CDCP1: variants seen among roughly 807,000 people sequenced by gnomAD.
CDCP1 encodes the protein CUB domain-containing protein 1.
Under a neutral mutation model 60.2 loss-of-function variants are expected in CDCP1, and 29 were observed. The observed-to-expected ratio is 0.48, with a 90% CI of 0.36 to 0.66. CDCP1 has a LOEUF of 0.66. Among genes scored for constraint, CDCP1 ranks in the 30% least tolerant of loss-of-function variants. The probability of loss-of-function intolerance (pLI) is 0.00; values close to 1 mark genes in which losing one functional copy is unlikely to be tolerated. For synonymous variants in CDCP1, 387 were observed against 431.1 expected, an observed-to-expected ratio of 0.90 and a Z score of 1.27; for missense variants, 876 against 1,074.3, an observed-to-expected ratio of 0.82 and a Z score of 2.58.
intron 1 of CDCP1, among the ~76,000 whole-genome samples, chr3:45,120,348 C>A (rs944133295): frequency 2.6e-5 from 4 of 152,214 alleles, no homozygotes; most frequent in African/African-American, 4.8e-5. Context: ...ATCTCCCAAC[C>A]TTATATGAAC....
intron 4 of CDCP1, among the ~76,000 whole-genome samples, chr3:45,109,494 T>A (rs544068524): frequency 6.1e-4 from 93 of 152,170 alleles, no homozygotes; most frequent in African/African-American, 2.1e-3. Flanking sequence ...ACAGCGTCCA[T>A]CCTTAGCAAC....
intron 3 of CDCP1, among the ~76,000 whole-genome samples, chr3:45,111,599 C>T (rs1336911611): frequency 1.3e-5 from 2 of 152,206 alleles, no homozygotes; most frequent in Non-Finnish European, 2.9e-5. Context: ...TCGCTTGAAC[C>T]TGGAGGTAGA....
At chr3:45,094,517 T>C (rs1477361572) in intron 5 of CDCP1, among the ~76,000 whole-genome samples, 2 of 152,288 alleles carry the variant, frequency 1.3e-5, no homozygotes, top group East Asian at 3.9e-4. Flanking sequence ...TGCCTCGGCC[T>C]CCCAAAGTGC....
chr3:45,112,319 T>C lies in CDCP1; in HGVS notation c.419A>G (p.Gln140Arg). The change falls in exon 3 of 9, where the codon CAG becomes CGG. Residue 140 changes from glutamine (Q) to arginine (R), a missense_variant. Gln to Arg is a conservative substitution (Grantham distance 43). This residue lies in a region of CDCP1 where 726 missense variants were observed against 935.7 expected (regional missense o/e 0.78). Coordinates refer to ENST00000296129, the MANE Select transcript of CDCP1 (RefSeq NM_022842.5). ...CTGCCTCAGGCGAGGGATGGAAAAC[T>C]GCAGCTCTAAACCGATGCTCTTATG... is the stretch of plus-strand genomic sequence containing the variant. Reference protein sequence around the residue: ...KAHKSIGLELQFSIPRLRQIG... With the variant: ...KAHKSIGLELRFSIPRLRQIG... 4 of 1,614,220 alleles carry C rather than the reference T, an allele frequency of 2.5e-6. No individual in the cohort carries two copies. Among genetic ancestry groups the C allele is most frequent in the Non-Finnish European group, 3.4e-6 (4 of 1,180,044 alleles).
rs979389009 is a variant in CDCP1 at position 45,126,436 on chromosome 3, T to C, written c.83-7815A>G. Reference sequence around the variant, plus strand: ...TGCCAGATAGTCACATCGCCAAACTTGGAGTCTTCCTAGTCCAGTGGACCT... The same window carrying C: ...TGCCAGATAGTCACATCGCCAAACTCGGAGTCTTCCTAGTCCAGTGGACCT... On this transcript the variant is annotated intron_variant, in intron 1 of 8. Coordinates refer to ENST00000296129, the MANE Select transcript of CDCP1 (RefSeq NM_022842.5). 2.0e-5 allele frequency among the ~76,000 whole-genome samples: 3 copies of C among 152,008 alleles called. No individual in the cohort carries two copies. In the East Asian group the frequency reaches 5.8e-4, roughly 29 times the overall value.
At chr3:45,118,335 T>C in intron 2 of CDCP1, 77 bp downstream of exon 2, 1 of 1,096,662 alleles carries the variant, frequency 9.1e-7, no homozygotes, top group Non-Finnish European at 1.4e-6. Context: ...GAGACTGACT[T>C]AGCATGGGAA....
At position 45,108,955 on chromosome 3, in the gene CDCP1, T is replaced by A. The variant is rs866360621; in HGVS notation, c.1024+1518A>T. Reference sequence around the variant, plus strand: ...TGTATACATATATATATATATATATTTTTTTTTTTTTTGAGATGGAGTCTC... The same window carrying A: ...TGTATACATATATATATATATATATATTTTTTTTTTTTGAGATGGAGTCTC... On this transcript the variant is annotated intron_variant, in intron 4 of 8. Coordinates refer to ENST00000296129, the MANE Select transcript of CDCP1 (RefSeq NM_022842.5). 5.1e-4 allele frequency among the ~76,000 whole-genome samples: 34 copies of A among 66,112 alleles called. 2 individuals are homozygous for A. Among genetic ancestry groups the A allele is most frequent in the African/African-American group, 1.2e-3 (22 of 18,666 alleles). 43.4% of individuals were successfully genotyped at this position (66,112 alleles called of 152,430 possible).
At chr3:45,130,088 G>A (rs943597643) in intron 1 of CDCP1, among the ~76,000 whole-genome samples, 2 of 147,748 alleles carry the variant, frequency 1.4e-5, no homozygotes, top group African/African-American at 2.6e-5. Flanking sequence ...CCAGCTATAC[G>A]CTTAAGATTT....
chr3:45,092,517 T>G (rs1698313433), intron 6 of CDCP1, among the ~76,000 whole-genome samples: 1 of 152,208 alleles, frequency 6.6e-6, no homozygotes, highest in Non-Finnish European at 1.5e-5. Flanking sequence ...GGAGTTTCTC[T>G]GGTAACCTTG....
At chr3:45,087,107 T>C (rs986647666) in intron 8 of CDCP1, among the ~76,000 whole-genome samples, 13 of 129,756 alleles carry the variant, frequency 1.0e-4, no homozygotes, top group African/African-American at 3.9e-4. Flanking sequence ...AAACTGACTG[T>C]TTATTTGCCT....
intron 4 of CDCP1, among the ~76,000 whole-genome samples, chr3:45,099,566 T>A (rs1698456872): frequency 6.6e-6 from 1 of 152,170 alleles, no homozygotes; most frequent in African/African-American, 2.4e-5. Context: ...CCTGAAATAT[T>A]TTGTGATGAT....
chr3:45,127,358 A>G (rs904008430), intron 1 of CDCP1, among the ~76,000 whole-genome samples: 5 of 152,146 alleles, frequency 3.3e-5, no homozygotes, highest in Admixed American at 2.6e-4. Context: ...CCACAGCTTC[A>G]TGAGGTCTGC....
Position 45,146,212 on chromosome 3 carries a change from C to A in CDCP1, c.76G>T (p.Gly26Trp). ...TCCAAAGCCCGGCACTCACCTGCCC[C>A]GCGCGGCAGGCGCGCCGCACCCAGC... ...LLLGAARLPR[G>W]AEAFEIALPR... Residue 26 changes from glycine to tryptophan, a missense_variant, in exon 1 of 9, where the codon GGG (glycine) becomes TGG (tryptophan). Around this residue, in one of 2 missense-constraint regions of CDCP1, gnomAD observed 150 missense variants for 138.6 expected, o/e 1.08. Transcript: ENST00000296129. 1.9e-6 allele frequency: 3 copies of A among 1,594,060 alleles called. No individual in the cohort carries two copies. Among genetic ancestry groups the A allele is most frequent in the African/African-American group, 1.4e-5 (1 of 72,280 alleles).
rs537381445 is a variant in CDCP1, at chr3:45,091,107, G to A, written c.1993+66C>T. ...GTGATTCTGACTTGTCTCCAGGCTT[G>A]CTCTCTATCCTCCAGCTGACAATTT... On this transcript the variant is annotated intron_variant, in intron 7 of 8. Transcript: ENST00000296129. This position sits in a 1 kb window ranked among gnomAD's most constrained non-coding sequence, Gnocchi z 4.8. The A allele has an allele frequency of 3.7e-5, 56 of 1,533,866 alleles. No individual in the cohort carries two copies. The African/African-American group carries it at 5.1e-4, about 14-fold the overall frequency.
intron 3 of CDCP1, among the ~76,000 whole-genome samples, chr3:45,111,787 A>G (rs1325535633): frequency 1.3e-5 from 2 of 152,246 alleles, no homozygotes; most frequent in Non-Finnish European, 2.9e-5. Flanking sequence ...TGGAAGACAA[A>G]GAAGTTAGAA....
At position 45,146,329 on chromosome 3, in the gene CDCP1, G is replaced by A; in HGVS notation, c.-42C>T. 7 of 1,508,784 alleles carry A rather than the reference G, an allele frequency of 4.6e-6. No homozygotes were observed. Among genetic ancestry groups the A allele is most frequent in the Non-Finnish European group, 5.3e-6 (6 of 1,128,416 alleles). The allele number at this position is 1,508,784 out of a possible 1,614,324, so 93.5% of individuals were successfully genotyped here. On this transcript the variant is annotated 5_prime_UTR_variant, in exon 1 of 9. Coordinates refer to ENST00000296129, the MANE Select transcript of CDCP1 (RefSeq NM_022842.5). ...GGCCTCGGTGGGGAAAACGACGGTGGGGAGCGGCGGCCCCAGGCGCCCAAG... is the reference window on the plus strand; with the variant it reads ...GGCCTCGGTGGGGAAAACGACGGTGAGGAGCGGCGGCCCCAGGCGCCCAAG...
At chr3:45,118,770 G>T (rs1267026594) in intron 1 of CDCP1, 149 bp from the exon 2 acceptor site, 2 of 631,354 alleles carry the variant, frequency 3.2e-6, no homozygotes, top group East Asian at 5.5e-5. Flanking sequence ...GGTGCAAAAT[G>T]ACAGTTCCGA....
intron 5 of CDCP1, 146 bp downstream of exon 5, chr3:45,095,201 T>A: frequency 1.4e-6 from 1 of 693,062 alleles, no homozygotes; most frequent in South Asian, 1.8e-5. Context: ...CCCAAAGTGC[T>A]GGGATTACAG....
At chr3:45,104,947 C>T (rs1271836400) in intron 4 of CDCP1, among the ~76,000 whole-genome samples, 1 of 152,188 alleles carries the variant, frequency 6.6e-6, no homozygotes, top group Non-Finnish European at 1.5e-5. Context: ...ACTTGAGAAG[C>T]TGAGACAGGA....
Sources: gnomAD v4.1 joint callset for allele counts (sites outside exome capture counted in the v4.1 genomes callset) on GRCh38, gnomAD v4.1.1 for gene constraint, gnomAD v4.1.1 regional missense constraint, Gnocchi (gnomAD v3.1) non-coding constraint, MANE v1.5 for transcripts, NCBI Gene and HGNC (gene_info 2026-07-23, HGNC 2026-07-21) for gene names.